Variants in LDLRAD4 observed in about 807,000 individuals in gnomAD.
LDLRAD4 encodes the protein low-density lipoprotein receptor class A domain-containing protein 4.
LDLRAD4 carries 5 observed loss-of-function variants against 17.0 expected under a neutral mutation model. The ratio of observed to expected loss-of-function variants is 0.29; its 90% CI spans 0.15 to 0.62. The LOEUF (loss-of-function observed/expected upper bound fraction) is 0.62. LDLRAD4 is among the 20% of genes least tolerant of loss of function. LDLRAD4 has a pLI of 0.84. For missense variants in LDLRAD4, 340 were observed against 424.7 expected (o/e 0.80, Z 1.75); for synonymous variants, 168 against 171.8 (o/e 0.98, Z 0.17).
Position 13,643,419 on chromosome 18 carries a change from G to A in LDLRAD4, c.390+7G>A. ...GCGGCTGGGCGCCTCGGAGGTAAGG[G>A]GCCCCAGGAGGTGATGGCTGCGGGG... On this transcript the variant is annotated splice_region_variant and intron_variant, in intron 5 of 5. Transcript: ENST00000359446. 1.0e-6 allele frequency: 1 copy of A among 956,628 alleles called. No homozygotes were observed. The highest frequency in any genetic ancestry group is 1.3e-6 in the Non-Finnish European group (1 of 749,506). The allele number at this position is 956,628 out of a possible 1,614,324, so 59.3% of individuals were successfully genotyped here.
At chr18:13,482,608 A>G (rs1397290247) in intron 3 of LDLRAD4, among the ~76,000 whole-genome samples, 1 of 152,184 alleles carries the variant, frequency 6.6e-6, no homozygotes, top group Non-Finnish European at 1.5e-5. Context: ...GAGCTGTCCC[A>G]TGGGGACTGC....
intron 3 of LDLRAD4, among the ~76,000 whole-genome samples, chr18:13,605,228 GT>G (rs1450267387): frequency 6.6e-6 from 1 of 152,212 alleles, no homozygotes; most frequent in African/African-American, 2.4e-5. Context: ...TAGAGCCTCT[GT>G]TTTAATGAGA....
At position 13,516,976 on chromosome 18, in the gene LDLRAD4, A is replaced by G. The variant is rs116027589; in HGVS notation, c.181+78592A>G. The stretch of plus-strand genomic sequence containing the variant: ...GTGATCTTTCCGCCTCAGCTTCTCG[A>G]ATATCTGGGACTACAGGCACATGCT... On this transcript the variant is annotated intron_variant, in intron 3 of 5. Coordinates refer to ENST00000359446, the Ensembl canonical transcript of LDLRAD4. Among the ~76,000 whole-genome samples, 442 of 152,212 alleles carry G rather than the reference A, an allele frequency of 2.9e-3. 2 individuals carry two copies. Among genetic ancestry groups the G allele is most frequent in the African/African-American group, 0.01 (421 of 41,508 alleles).
intron 4 of LDLRAD4, among the ~76,000 whole-genome samples, chr18:13,635,032 G>GAA (rs1479259921): frequency 2.0e-5 from 3 of 152,042 alleles, no homozygotes; most frequent in Non-Finnish European, 2.9e-5. Flanking sequence ...GCCACATGCA[G>GAA]AAGAGTGACA....
At chr18:13,607,369 T>A (rs1403092886) in intron 3 of LDLRAD4, among the ~76,000 whole-genome samples, 1 of 152,236 alleles carries the variant, frequency 6.6e-6, no homozygotes, top group Non-Finnish European at 1.5e-5. Context: ...TTATGAATGT[T>A]TACAAATGCT....
exon 6 of LDLRAD4, chr18:13,646,569 A>AGTT (rs2043023645): frequency 6.6e-6 from 1 of 152,512 alleles, no homozygotes; most frequent in Non-Finnish European, 1.5e-5. Flanking sequence ...TAGGCTGCAT[A>AGTT]GTTTATGAGA....
At chr18:13,265,609 T>C (rs1292373354) in intron 1 of LDLRAD4, among the ~76,000 whole-genome samples, 1 of 152,176 alleles carries the variant, frequency 6.6e-6, no homozygotes, top group Admixed American at 6.5e-5. Context: ...TCTCCTTTGA[T>C]CCCTGACTCA....
rs529456607 is a variant in LDLRAD4 at position 13,304,170 on chromosome 18, C to T, written c.-383+25982C>T. Among the ~76,000 whole-genome samples the T allele has an allele frequency of 1.3e-3, 193 of 152,326 alleles. 1 individual carries two copies. The highest frequency in any genetic ancestry group is 4.5e-3 in the African/African-American group (186 of 41,572). On this transcript the variant is annotated intron_variant, in intron 1 of 5. Coordinates refer to ENST00000359446, the Ensembl canonical transcript of LDLRAD4. ...GACCTGGGCGGCTTCCCGGCTTCCA[C>T]ACTCAGGGCTCATCTTGGTGGATGT...
chr18:13,398,825 G>A lies in LDLRAD4; in HGVS notation c.40+11063G>A, dbSNP rs1205831221. ...GCCCACCCTCCCCGGGGGCACTATAGCAACCGTGTGTTGTTGCCTGGGACT... is the reference window on the plus strand; with the variant it reads ...GCCCACCCTCCCCGGGGGCACTATAACAACCGTGTGTTGTTGCCTGGGACT... On this transcript the variant is annotated intron_variant, in intron 2 of 5. Coordinates refer to ENST00000359446, the Ensembl canonical transcript of LDLRAD4. The surrounding 1 kb of genome is among the most constrained non-coding windows in gnomAD (Gnocchi z 4.8). 6.6e-6 allele frequency among the ~76,000 whole-genome samples: 1 copy of A among 152,192 alleles called. No individual in the cohort carries two copies. The highest frequency in any genetic ancestry group is 1.5e-5 in the Non-Finnish European group (1 of 68,038).
rs778456724 is a variant in LDLRAD4, at chr18:13,474,944, G to C, written c.181+36560G>C. On this transcript the variant is annotated intron_variant, in intron 3 of 5. Transcript: ENST00000359446. ...CTGAGTCCTGCTTATCTGGGGTTAA[G>C]ATGGTTTATGGGTCATAGACAAATG... Among the ~76,000 whole-genome samples the C allele has an allele frequency of 6.6e-5, 10 of 152,104 alleles. No individual in the cohort carries two copies. The East Asian group carries it at 1.9e-3, about 29-fold the overall frequency.
At chr18:13,548,431 T>G (rs1284408) in intron 3 of LDLRAD4, among the ~76,000 whole-genome samples, 65,315 of 152,080 alleles carry the variant, frequency 0.43, 14,626 homozygotes, top group Middle Eastern at 0.54. Context: ...CCCCTTGGCC[T>G]CCTTCCCCTG....
intron 3 of LDLRAD4, among the ~76,000 whole-genome samples, chr18:13,610,449 G>A (rs2039437988): frequency 6.6e-6 from 1 of 151,500 alleles, no homozygotes; most frequent in African/African-American, 2.4e-5. Flanking sequence ...CACCACACCT[G>A]GCTAATTTTT....
chr18:13,296,538 C>A (rs1332237495), intron 1 of LDLRAD4, among the ~76,000 whole-genome samples: 1 of 151,766 alleles, frequency 6.6e-6, no homozygotes, highest in African/African-American at 2.4e-5. Flanking sequence ...GGACACCAGC[C>A]CCGTCAGATT....
chr18:13,311,722 A>G (rs527582376), intron 1 of LDLRAD4, among the ~76,000 whole-genome samples: 1 of 152,134 alleles, frequency 6.6e-6, no homozygotes, highest in East Asian at 1.9e-4. Context: ...GGAGTTCTGC[A>G]TTTCCATGCC....
intron 1 of LDLRAD4, among the ~76,000 whole-genome samples, chr18:13,281,276 C>T (rs1183467069): frequency 1.3e-5 from 2 of 152,140 alleles, no homozygotes; most frequent in Non-Finnish European, 2.9e-5. Context: ...GTGGTCCCAG[C>T]TACTCAGGAG....
At position 13,448,099 on chromosome 18, in the gene LDLRAD4, T is replaced by C. The variant is rs75224425; in HGVS notation, c.181+9715T>C. On this transcript the variant is annotated intron_variant, in intron 3 of 5. Coordinates refer to ENST00000359446, the Ensembl canonical transcript of LDLRAD4. ...ATTAGGGAGAGCGTGAAAGGACAGT[T>C]GTAGGATGATAACACTATTGATTTA... Among the ~76,000 whole-genome samples, 160 of 152,218 alleles carry C rather than the reference T, an allele frequency of 1.1e-3. 2 individuals carry two copies. In the East Asian group the frequency reaches 0.025, roughly 24 times the overall value.
intron 3 of LDLRAD4, among the ~76,000 whole-genome samples, chr18:13,450,670 T>TA (rs1250409192): frequency 6.6e-6 from 1 of 152,204 alleles, no homozygotes; most frequent in Non-Finnish European, 1.5e-5. Context: ...TGTCCAGTGC[T>TA]AAGTGGTGTC....
At chr18:13,418,323 C>G (rs994844194) in intron 2 of LDLRAD4, among the ~76,000 whole-genome samples, 1 of 152,272 alleles carries the variant, frequency 6.6e-6, no homozygotes, top group Non-Finnish European at 1.5e-5. Context: ...TATAGGGAGC[C>G]TCTCATGGTT....
chr18:13,226,200 T>G (rs958574360), intron 1 of LDLRAD4, among the ~76,000 whole-genome samples: 23 of 143,280 alleles, frequency 1.6e-4, no homozygotes, highest in Admixed American at 3.5e-4. Flanking sequence ...TTTTTTTTTT[T>G]TGTAGAGACC....
Sources: allele counts gnomAD v4.1 joint callset (sites outside exome capture counted in the v4.1 genomes callset), GRCh38; gene constraint gnomAD v4.1.1; non-coding constraint Gnocchi (gnomAD v3.1); transcripts MANE v1.5; gene names NCBI Gene and HGNC (gene_info 2026-07-23, HGNC 2026-07-21).